Variants in ERICH3 observed in about 807,000 individuals in gnomAD.
The protein encoded by ERICH3 is glutamate rich 3, also known as glutamate-rich protein 3.
ERICH3 carries 126 observed loss-of-function variants against 131.1 expected under a neutral mutation model. The observed-to-expected ratio is 0.96, with a 90% CI of 0.83 to 1.11. ERICH3 has a LOEUF of 1.11. Ranked by LOEUF, ERICH3 falls within the 50% of genes most tolerant of loss-of-function variation. The probability of loss-of-function intolerance (pLI) is 0.00; values close to 1 mark genes in which losing one functional copy is unlikely to be tolerated. For synonymous variants in ERICH3, 695 were observed against 644.6 expected, an observed-to-expected ratio of 1.08 and a Z score of -1.18; for missense variants, 2,050 against 1,810.7, an observed-to-expected ratio of 1.13 and a Z score of -2.40.
In ERICH3 at chr1:74,636,359, A is replaced by G. The variant is rs747609877; in HGVS notation, c.524T>C (p.Val175Ala). Residue 175 changes from valine (V) to alanine (A), a missense_variant, in exon 6 of 15, where the codon GTA becomes GCA. Transcript: ENST00000326665. ...TGAAGTTACCTTTGGAACAGTTTCT[A>G]CTGCAGGATTACTGGGAAGAGGCTG... is the stretch of plus-strand genomic sequence containing the variant. ...RLQPLPSNPA[V>A]ETVPKVTSRS... 2 of 1,613,328 alleles carry G rather than the reference A, an allele frequency of 1.2e-6. No individual in the cohort carries two copies. The highest frequency in any genetic ancestry group is 2.2e-5 in the South Asian group (2 of 91,012).
chr1:74,667,383 A>G (rs1263861910), intron 1 of ERICH3, among the ~76,000 whole-genome samples: 6 of 152,196 alleles, frequency 3.9e-5, no homozygotes, highest in African/African-American at 9.7e-5. Context: ...CATAACATAC[A>G]CTATTCTCAA....
At position 74,612,716 on chromosome 1, in the gene ERICH3, C is replaced by T. The variant is rs1648758420; in HGVS notation, c.1094G>A (p.Cys365Tyr). The change falls in exon 9 of 15, where the codon TGT becomes TAT. Residue 365 changes from cysteine (C) to tyrosine (Y), a missense_variant. Transcript: ENST00000326665. The stretch of plus-strand genomic sequence containing the variant: ...ACCTTTCCGATGCTTGTATTCACAA[C>T]AGGAGCTTAACCTGTTCACCTGCAT... ...NGMQVNRLSS[C>Y]CEYKHRKGSR... The T allele has an allele frequency of 1.2e-6, 2 of 1,607,424 alleles. No homozygotes were observed. Among genetic ancestry groups the T allele is most frequent in the East Asian group, 2.2e-5 (1 of 44,820 alleles).
rs552382100 is a variant in ERICH3, at chr1:74,644,035, T to G, written c.244-937A>C. ...AATATATTATTCTATAATTTAAAAATAAGCCCCATGTAAAAATAATCTGCT... is the reference window on the plus strand; with the variant it reads ...AATATATTATTCTATAATTTAAAAAGAAGCCCCATGTAAAAATAATCTGCT... On this transcript the variant is annotated intron_variant, in intron 3 of 14. Coordinates refer to ENST00000326665, the MANE Select transcript of ERICH3 (RefSeq NM_001002912.5). 3.3e-5 allele frequency among the ~76,000 whole-genome samples: 5 copies of G among 152,132 alleles called. No homozygotes were observed. The South Asian group carries it at 6.2e-4, about 19-fold the overall frequency.
At chr1:74,620,288 T>C (rs1371061791) in intron 8 of ERICH3, among the ~76,000 whole-genome samples, 3 of 152,214 alleles carry the variant, frequency 2.0e-5, no homozygotes, top group Non-Finnish European at 4.4e-5. Context: ...TCCACCAAGT[T>C]ATTTAGGTGT....
chr1:74,615,435 G>A (rs1648914661), intron 8 of ERICH3: 1 of 152,078 alleles, frequency 6.6e-6, no homozygotes, highest in South Asian at 2.1e-4. Flanking sequence ...ATATTAGAAA[G>A]CATTATATAT....
chr1:74,589,402 G>A, intron 12 of ERICH3: 1 of 556,090 alleles, frequency 1.8e-6, no homozygotes, highest in East Asian at 2.8e-5. Flanking sequence ...ACCGAAAATA[G>A]GAAACAGGCT....
chr1:74,616,622 G>A (rs1393995884), intron 8 of ERICH3, among the ~76,000 whole-genome samples: 8 of 152,048 alleles, frequency 5.3e-5, no homozygotes, highest in Admixed American at 4.6e-4. Flanking sequence ...CGGCTGAATT[G>A]TGTCCTCCAA....
At chr1:74,628,739 T>C (rs1430993614) in intron 7 of ERICH3, among the ~76,000 whole-genome samples, 2 of 151,822 alleles carry the variant, frequency 1.3e-5, no homozygotes, top group African/African-American at 4.8e-5. Context: ...ATAAGAAGTA[T>C]TATTAGACAA....
intron 5 of ERICH3, among the ~76,000 whole-genome samples, chr1:74,639,148 A>G (rs1646416922): frequency 6.6e-6 from 1 of 152,190 alleles, no homozygotes; most frequent in Non-Finnish European, 1.5e-5. Flanking sequence ...TTTCTGAAAA[A>G]AGGAATCAGA....
At chr1:74,576,459 C>A (rs1046312275) in intron 13 of ERICH3, among the ~76,000 whole-genome samples, 1 of 152,104 alleles carries the variant, frequency 6.6e-6, no homozygotes, top group African/African-American at 2.4e-5. Flanking sequence ...TGTTACCTGG[C>A]CCTCTTCATG....
chr1:74,575,322 C>T (rs1647031030), intron 13 of ERICH3, among the ~76,000 whole-genome samples: 2 of 152,200 alleles, frequency 1.3e-5, no homozygotes, highest in African/African-American at 2.4e-5. Flanking sequence ...TTTGTGATGT[C>T]TCCTTTCAAA....
chr1:74,576,651 C>T (rs1351122554), intron 13 of ERICH3, among the ~76,000 whole-genome samples: 1 of 152,110 alleles, frequency 6.6e-6, no homozygotes, highest in African/African-American at 2.4e-5. Flanking sequence ...TCTCAAATGC[C>T]TCACAGTGCT....
At chr1:74,655,539 C>T (rs748772523) in intron 1 of ERICH3, among the ~76,000 whole-genome samples, 8 of 152,176 alleles carry the variant, frequency 5.3e-5, no homozygotes, top group Non-Finnish European at 7.4e-5. Context: ...GCTCTTCTGC[C>T]TCCCTCTTCC....
chr1:74,658,350 T>C (rs567177952), intron 1 of ERICH3, among the ~76,000 whole-genome samples: 1 of 152,290 alleles, frequency 6.6e-6, no homozygotes, highest in African/African-American at 2.4e-5. Context: ...AAGATGTTTA[T>C]TAGTGATCAA....
intron 8 of ERICH3, among the ~76,000 whole-genome samples, chr1:74,616,859 G>A (rs1325399258): frequency 6.6e-6 from 1 of 152,154 alleles, no homozygotes; most frequent in African/African-American, 2.4e-5. Flanking sequence ...GGCCAAGGAA[G>A]GCCAGTTGAC....
At chr1:74,654,187 C>T (rs769149934) in intron 1 of ERICH3, among the ~76,000 whole-genome samples, 14 of 152,020 alleles carry the variant, frequency 9.2e-5, no homozygotes, top group Non-Finnish European at 1.5e-4. Context: ...TCACAAGAAT[C>T]ACCTTTAAAA....
intron 1 of ERICH3, among the ~76,000 whole-genome samples, chr1:74,661,781 A>C (rs997097470): frequency 1.3e-5 from 2 of 152,178 alleles, no homozygotes; most frequent in African/African-American, 4.8e-5. Flanking sequence ...TTTTTGAAGG[A>C]AGAAAATAAG....
At position 74,612,633 on chromosome 1, in the gene ERICH3, G is replaced by A. The variant is rs891526320; in HGVS notation, c.1177C>T (p.Pro393Ser). 2 of 1,558,008 alleles carry A rather than the reference G, an allele frequency of 1.3e-6. No homozygotes were observed. Among genetic ancestry groups the A allele is most frequent in the Middle Eastern group, 1.7e-4 (1 of 5,824 alleles). ...CATTTGTTTCCATACTTGTAGCAAG[G>A]AGATGATCTCTCAACACACACAAAC... is the stretch of plus-strand genomic sequence containing the variant. ...FGFVCVERSS[P>S]CYKCIIAMGL... Residue 393 changes from proline (P) to serine (S), a missense_variant, in exon 9 of 15, where the codon CCT (proline) becomes TCT (serine). Coordinates refer to ENST00000326665, the MANE Select transcript of ERICH3 (RefSeq NM_001002912.5).
chr1:74,570,280 G>T lies in ERICH3; in HGVS notation c.*178C>A, dbSNP rs1646920482. ...GATCTACTTGAGCTATTCTCAAGGT[G>T]CTTACTGAGCTACTGACCAGGGCTG... On this transcript the variant is annotated 3_prime_UTR_variant, in exon 15 of 15. Coordinates refer to ENST00000326665, the MANE Select transcript of ERICH3 (RefSeq NM_001002912.5). The T allele has an allele frequency of 6.6e-6, 1 of 152,196 alleles. No individual in the cohort carries two copies. Among genetic ancestry groups the T allele is most frequent in the African/African-American group, 2.4e-5 (1 of 41,416 alleles). 9.4% of individuals were successfully genotyped at this position (152,196 alleles called of 1,614,324 possible). A position where few individuals can be genotyped will look rare whatever the true frequency, so the allele number is the denominator to read the frequency against.
Sources: gnomAD v4.1 joint callset for allele counts (sites outside exome capture counted in the v4.1 genomes callset) on GRCh38, gnomAD v4.1.1 for gene constraint, MANE v1.5 for transcripts, NCBI Gene and HGNC (gene_info 2026-07-23, HGNC 2026-07-21) for gene names.